Variants in SGTB observed in about 807,000 individuals in gnomAD.
The protein encoded by SGTB is small glutamine rich tetratricopeptide repeat co-chaperone beta, also known as small glutamine-rich tetratricopeptide repeat-containing protein beta.
Under a neutral mutation model 43.9 loss-of-function variants are expected in SGTB, and 19 were observed. That is an observed-to-expected ratio of 0.43 (90% confidence interval 0.30 to 0.63). The LOEUF is 0.63. Ranked by LOEUF, SGTB falls within the 30% of genes least tolerant of loss-of-function variation. SGTB has a pLI of 0.12. For synonymous variants in SGTB, 116 were observed against 117.3 expected (o/e 0.99, Z 0.07); for missense variants, 304 against 358.9 (o/e 0.85, Z 1.24).
chr5:65,697,070 G>A (rs996508153), intron 5 of SGTB, among the ~76,000 whole-genome samples: 1 of 152,096 alleles, frequency 6.6e-6, no homozygotes, highest in Non-Finnish European at 1.5e-5. Context: ...GCAGCCAGCT[G>A]GCAAAGAAAA....
At chr5:65,717,370 G>A (rs2150725563) in intron 2 of SGTB, among the ~76,000 whole-genome samples, 1 of 152,010 alleles carries the variant, frequency 6.6e-6, no homozygotes, top group Non-Finnish European at 1.5e-5. Flanking sequence ...TTTATATGAT[G>A]ATGGAAATGA....
chr5:65,697,110 C>T (rs1039361368), intron 5 of SGTB, among the ~76,000 whole-genome samples: 1 of 152,078 alleles, frequency 6.6e-6, no homozygotes, highest in Admixed American at 6.5e-5. Context: ...AGATTACAGG[C>T]TACTGAGATA....
chr5:65,700,735 C>T (rs1579874438), intron 5 of SGTB, among the ~76,000 whole-genome samples: 1 of 145,640 alleles, frequency 6.9e-6, no homozygotes, highest in African/African-American at 2.5e-5. Context: ...CATGGCTGGG[C>T]GTGGTTGCTC....
intron 5 of SGTB, 73 bp from the exon 6 acceptor site, chr5:65,685,545 A>C: frequency 8.1e-7 from 1 of 1,227,960 alleles, no homozygotes; most frequent in South Asian, 1.3e-5. Flanking sequence ...GGTACTAATA[A>C]TACTACCTTT....
At chr5:65,692,277 G>A (rs1189432216) in intron 5 of SGTB, among the ~76,000 whole-genome samples, 1 of 152,078 alleles carries the variant, frequency 6.6e-6, no homozygotes, top group African/African-American at 2.4e-5. Flanking sequence ...ATGAACAGAT[G>A]ATAAAATATT....
intron 3 of SGTB, among the ~76,000 whole-genome samples, chr5:65,711,574 C>T (rs992457736): frequency 1.3e-5 from 2 of 152,174 alleles, no homozygotes; most frequent in South Asian, 2.1e-4. Context: ...CCCACCATCA[C>T]CAAAGGGAAG....
At chr5:65,688,559 A>G (rs1045793892) in intron 5 of SGTB, among the ~76,000 whole-genome samples, 1 of 152,220 alleles carries the variant, frequency 6.6e-6, no homozygotes, top group Non-Finnish European at 1.5e-5. Flanking sequence ...AAAAAACAAC[A>G]AATCTGTTCC....
chr5:65,680,468 A>C (rs1307529840), intron 8 of SGTB, 26 bp downstream of exon 8: 1 of 1,603,234 alleles, frequency 6.2e-7, no homozygotes, highest in African/African-American at 1.5e-5. Flanking sequence ...CATAGCCAGT[A>C]GAGGCAGAAA....
chr5:65,712,737 A>G (rs1758067213), intron 3 of SGTB, among the ~76,000 whole-genome samples: 2 of 152,230 alleles, frequency 1.3e-5, no homozygotes, highest in Admixed American at 1.3e-4. Context: ...CATACCATTA[A>G]ATATAAAAGG....
chr5:65,678,111 C>T (rs1017780286), intron 8 of SGTB, among the ~76,000 whole-genome samples: 2 of 152,130 alleles, frequency 1.3e-5, no homozygotes, highest in Admixed American at 6.5e-5. Flanking sequence ...TTGTCTCAGT[C>T]GAGAAGTTTA....
chr5:65,687,380 T>A (rs994597332), intron 5 of SGTB, among the ~76,000 whole-genome samples: 1 of 152,148 alleles, frequency 6.6e-6, no homozygotes, highest in African/African-American at 2.4e-5. Context: ...CAGAGAAAAT[T>A]TTAAGAGACC....
chr5:65,678,214 G>A (rs142057806), intron 8 of SGTB, among the ~76,000 whole-genome samples: 4 of 152,208 alleles, frequency 2.6e-5, no homozygotes, highest in East Asian at 1.9e-4. Context: ...CAGGCAAGTC[G>A]AAAGTCAAAT....
intron 4 of SGTB, among the ~76,000 whole-genome samples, chr5:65,707,205 G>A (rs949111219): frequency 6.6e-6 from 1 of 152,012 alleles, no homozygotes; most frequent in East Asian, 1.9e-4. Flanking sequence ...AGAGGTTGCA[G>A]TGAGCCGAGA....
At chr5:65,720,558 A>G (rs954283864) in intron 2 of SGTB, 150 bp downstream of exon 2, 8 of 786,740 alleles carry the variant, frequency 1.0e-5, no homozygotes, top group Non-Finnish European at 1.3e-5. Flanking sequence ...CAGAAAATGG[A>G]AATACGATAA....
At chr5:65,678,069 A>T (rs7717837) in intron 8 of SGTB, among the ~76,000 whole-genome samples, 2,627 of 152,328 alleles carry the variant, frequency 0.017, 82 homozygotes, top group African/African-American at 0.06. Flanking sequence ...CCCTATATGC[A>T]GATGACAGGA....
chr5:65,670,620 T>C (rs1757136623), intron 10 of SGTB, among the ~76,000 whole-genome samples: 1 of 152,198 alleles, frequency 6.6e-6, no homozygotes, highest in Non-Finnish European at 1.5e-5. Context: ...TCTCTAGTGC[T>C]AATGACAAAG....
intron 2 of SGTB, among the ~76,000 whole-genome samples, chr5:65,716,977 A>T (rs1229366638): frequency 6.6e-6 from 1 of 152,142 alleles, no homozygotes; most frequent in African/African-American, 2.4e-5. Context: ...AAAAGAAGCA[A>T]ACAATGAGAT....
In SGTB at chr5:65,670,198, T is replaced by C; in HGVS notation, c.*48A>G. 1 of 1,553,272 alleles carries C rather than the reference T, an allele frequency of 6.4e-7. No individual in the cohort carries two copies. Among genetic ancestry groups the C allele is most frequent in the South Asian group, 1.1e-5 (1 of 89,356 alleles). On this transcript the variant is annotated 3_prime_UTR_variant, in exon 11 of 11. Transcript: ENST00000381007. ...GGTACTATCTACAACAAATACTTCA[T>C]TCATAGCCATAAACCATTTGTATCT...
At chr5:65,707,870 TC>T (rs1417296294) in intron 4 of SGTB, among the ~76,000 whole-genome samples, 1 of 151,820 alleles carries the variant, frequency 6.6e-6, no homozygotes, top group Non-Finnish European at 1.5e-5. Flanking sequence ...TGGCTGTCAC[TC>T]ACTGCTAAAG....
Sources: allele counts gnomAD v4.1 joint callset (sites outside exome capture counted in the v4.1 genomes callset), GRCh38; gene constraint gnomAD v4.1.1; transcripts MANE v1.5; gene names NCBI Gene and HGNC (gene_info 2026-07-23, HGNC 2026-07-21).